Variants in KCNIP1 observed in about 807,000 individuals in gnomAD.
KCNIP1 encodes the protein A-type potassium channel modulatory protein KCNIP1.
In KCNIP1, 18 loss-of-function variants were observed where a neutral mutation model predicts 33.0. That is an observed-to-expected ratio of 0.55 (90% CI 0.38 to 0.81). The LOEUF (loss-of-function observed/expected upper bound fraction) is 0.81, where lower values mean the gene tolerates loss of function less well. Ranked by LOEUF, KCNIP1 falls within the 30% of genes least tolerant of loss-of-function variation. The pLI is 0.00. For missense variants in KCNIP1, 238 were observed against 271.6 expected, an observed-to-expected ratio of 0.88 and a Z score of 0.87; for synonymous variants, 93 against 98.3, an observed-to-expected ratio of 0.95 and a Z score of 0.32.
chr5:170,372,134 C>T (rs1486358133), intron 1 of KCNIP1, among the ~76,000 whole-genome samples: 2 of 152,200 alleles, frequency 1.3e-5, no homozygotes, highest in African/African-American at 4.8e-5. Context: ...TCCCCTACAC[C>T]TCCAGATAGG....
At chr5:170,716,538 GA>G (rs371706895) in intron 1 of KCNIP1, among the ~76,000 whole-genome samples, 3,225 of 152,152 alleles carry the variant, frequency 0.021, 60 homozygotes, top group Non-Finnish European at 0.032. Flanking sequence ...TGATGAAAAC[GA>G]AAAACAAAAC....
intron 1 of KCNIP1, among the ~76,000 whole-genome samples, chr5:170,496,824 C>T (rs1212469389): frequency 6.6e-6 from 1 of 152,204 alleles, no homozygotes; most frequent in Admixed American, 6.5e-5. Flanking sequence ...CCACTCTCAC[C>T]CCACCTCAGC....
intron 1 of KCNIP1, among the ~76,000 whole-genome samples, chr5:170,713,915 T>C (rs1349260926): frequency 1.3e-5 from 2 of 151,688 alleles, no homozygotes; most frequent in Non-Finnish European, 2.9e-5. Context: ...TCCCAGCTAC[T>C]CAGGAGGCTG....
At chr5:170,433,919 C>G (rs1340386217) in intron 1 of KCNIP1, among the ~76,000 whole-genome samples, 1 of 152,230 alleles carries the variant, frequency 6.6e-6, no homozygotes, top group Non-Finnish European at 1.5e-5. Flanking sequence ...AGAGACCACA[C>G]TCTTTCCTGT....
At chr5:170,550,100 A>G (rs1756553516) in intron 1 of KCNIP1, among the ~76,000 whole-genome samples, 2 of 152,128 alleles carry the variant, frequency 1.3e-5, no homozygotes, top group South Asian at 2.1e-4. Flanking sequence ...CTGCCCCTCA[A>G]ATTGTTGGAT....
intron 1 of KCNIP1, among the ~76,000 whole-genome samples, chr5:170,618,311 G>T (rs1759466418): frequency 6.6e-6 from 1 of 151,488 alleles, no homozygotes; most frequent in Admixed American, 6.6e-5. Flanking sequence ...GGGTCCCTAG[G>T]TCTAGTTGCA....
chr5:170,387,150 A>G (rs1416088029), intron 1 of KCNIP1, among the ~76,000 whole-genome samples: 1 of 152,194 alleles, frequency 6.6e-6, no homozygotes, highest in Non-Finnish European at 1.5e-5. Context: ...AATACCAGGA[A>G]GCTATCAATG....
At chr5:170,605,332 T>C (rs1265339718) in intron 1 of KCNIP1, among the ~76,000 whole-genome samples, 1 of 152,196 alleles carries the variant, frequency 6.6e-6, no homozygotes, top group African/African-American at 2.4e-5. Context: ...TGCTTCCTTA[T>C]TTTCTTGCTA....
At chr5:170,354,206 G>A (rs1763285445) in intron 1 of KCNIP1, among the ~76,000 whole-genome samples, 1 of 152,210 alleles carries the variant, frequency 6.6e-6, no homozygotes, top group Non-Finnish European at 1.5e-5. Context: ...TTGGTGGTGT[G>A]TGGCTGATAC....
chr5:170,522,571 C>T (rs1287561438), intron 1 of KCNIP1, among the ~76,000 whole-genome samples: 3 of 152,236 alleles, frequency 2.0e-5, no homozygotes, highest in Admixed American at 1.3e-4. Context: ...ATCAGGCTTC[C>T]AAGCCCCCAA....
At chr5:170,553,624 A>G (rs1004377280) in intron 1 of KCNIP1, among the ~76,000 whole-genome samples, 1 of 152,230 alleles carries the variant, frequency 6.6e-6, no homozygotes, top group Non-Finnish European at 1.5e-5. Flanking sequence ...GTTCTGTGGC[A>G]CAATTGTCAT....
chr5:170,413,265 G>A (rs2113410751), intron 1 of KCNIP1, among the ~76,000 whole-genome samples: 1 of 152,326 alleles, frequency 6.6e-6, no homozygotes, highest in East Asian at 1.9e-4. Context: ...GTCTTTCAGG[G>A]CCCTCTGGCT....
chr5:170,410,255 C>T (rs1249966676), intron 1 of KCNIP1, among the ~76,000 whole-genome samples: 1 of 151,674 alleles, frequency 6.6e-6, no homozygotes, highest in African/African-American at 2.4e-5. Context: ...GGGTCCCCCA[C>T]ACAGGGGATC....
chr5:170,383,365 T>C (rs1484775755), intron 1 of KCNIP1: 2 of 592,768 alleles, frequency 3.4e-6, no homozygotes, highest in Admixed American at 3.0e-5. Flanking sequence ...CGTGGCACTT[T>C]ATATACAGCG....
chr5:170,570,453 C>A (rs2113484383), intron 1 of KCNIP1, among the ~76,000 whole-genome samples: 1 of 152,274 alleles, frequency 6.6e-6, no homozygotes, highest in South Asian at 2.1e-4. Context: ...TCCCCCACCC[C>A]CTTTTTTGAG....
chr5:170,574,060 T>C (rs1757512058), intron 1 of KCNIP1, among the ~76,000 whole-genome samples: 1 of 152,196 alleles, frequency 6.6e-6, no homozygotes, highest in Non-Finnish European at 1.5e-5. Flanking sequence ...AATAGCTGGG[T>C]TTTTTACTTT....
At chr5:170,497,327 C>T (rs977523815) in intron 1 of KCNIP1, among the ~76,000 whole-genome samples, 3 of 152,124 alleles carry the variant, frequency 2.0e-5, no homozygotes, top group East Asian at 1.9e-4. Flanking sequence ...AAGACATAGG[C>T]GTAATTATTG....
At chr5:170,718,968 G>T (rs79599238) in intron 2 of KCNIP1, 86 bp downstream of exon 2, 2 of 1,525,192 alleles carry the variant, frequency 1.3e-6, no homozygotes, top group East Asian at 4.7e-5. Flanking sequence ...CTCATAAGGC[G>T]TTTCCCATAT....
At chr5:170,570,150 C>A (rs938265303) in intron 1 of KCNIP1, among the ~76,000 whole-genome samples, 1 of 152,188 alleles carries the variant, frequency 6.6e-6, no homozygotes, top group African/African-American at 2.4e-5. Context: ...AGAAAAGTCA[C>A]TGAGCCTCTA....
Sources: gnomAD v4.1 joint callset for allele counts (sites outside exome capture counted in the v4.1 genomes callset) on GRCh38, gnomAD v4.1.1 for gene constraint, MANE v1.5 for transcripts, NCBI Gene and HGNC (gene_info 2026-07-23, HGNC 2026-07-21) for gene names.